PPP2R2A: variants seen among roughly 807,000 people sequenced by gnomAD.
PPP2R2A encodes protein phosphatase 2 regulatory subunit Balpha.
PPP2R2A carries 9 observed loss-of-function variants against 53.2 expected under a neutral mutation model. That is an observed-to-expected ratio of 0.17 (90% CI 0.10 to 0.30). The LOEUF (loss-of-function observed/expected upper bound fraction) is 0.30. Ranked by LOEUF, PPP2R2A falls within the 10% of genes least tolerant of loss-of-function variation. The pLI is 1.00. For synonymous variants in PPP2R2A, 169 were observed against 174.2 expected (o/e 0.97, Z 0.23); for missense variants, 235 against 534.6 (o/e 0.44, Z 5.53).
At chr8:26,351,382 A>C (rs1446564282) in intron 3 of PPP2R2A, among the ~76,000 whole-genome samples, 1 of 152,088 alleles carries the variant, frequency 6.6e-6, no homozygotes, top group Non-Finnish European at 1.5e-5. Context: ...TAAATAAATA[A>C]ATTTAAATTA....
rs748648522 is a variant in PPP2R2A, at chr8:26,362,643, C to G, written c.638-41C>G. ...TGAGAAATGTAGAATTATATTTGCCCTTTTTTCTAAGTGGAAATTCCTTAA... is the reference window on the plus strand; with the variant it reads ...TGAGAAATGTAGAATTATATTTGCCGTTTTTTCTAAGTGGAAATTCCTTAA... On this transcript the variant is annotated intron_variant, in intron 6 of 9. Coordinates refer to ENST00000380737, the MANE Select transcript of PPP2R2A (RefSeq NM_002717.4). The surrounding 1 kb of genome is among the most constrained non-coding windows in gnomAD (Gnocchi z 4.4). 1.8e-5 allele frequency: 29 copies of G among 1,589,470 alleles called. No individual in the cohort carries two copies. Among genetic ancestry groups the G allele is most frequent in the Non-Finnish European group, 2.4e-5 (28 of 1,162,282 alleles).
intron 4 of PPP2R2A, among the ~76,000 whole-genome samples, chr8:26,359,644 A>T (rs888431728): frequency 1.4e-5 from 1 of 71,840 alleles, no homozygotes; most frequent in African/African-American, 5.3e-5. Context: ...CAAGAAGGGG[A>T]AAGGTTTTAA....
At chr8:26,369,163 C>G (rs983084255) in intron 9 of PPP2R2A, among the ~76,000 whole-genome samples, 7 of 151,864 alleles carry the variant, frequency 4.6e-5, no homozygotes, top group Non-Finnish European at 1.0e-4. Context: ...ACTTAATATT[C>G]TCAGGAGCAG....
chr8:26,316,095 C>T (rs988511594), intron 2 of PPP2R2A, among the ~76,000 whole-genome samples: 2 of 151,852 alleles, frequency 1.3e-5, no homozygotes, highest in Non-Finnish European at 3.0e-5. Flanking sequence ...GCCTCCGCCT[C>T]CTGGGTTAAA....
intron 2 of PPP2R2A, among the ~76,000 whole-genome samples, chr8:26,323,706 G>T (rs1444538265): frequency 6.6e-6 from 1 of 152,166 alleles, no homozygotes; most frequent in South Asian, 2.1e-4. Flanking sequence ...TTCTATCCCC[G>T]TGGAGTTGGA....
chr8:26,332,487 C>G (rs898587563), intron 2 of PPP2R2A, among the ~76,000 whole-genome samples: 4 of 151,174 alleles, frequency 2.6e-5, no homozygotes, highest in African/African-American at 9.7e-5. Flanking sequence ...TTAAAACGGG[C>G]ATTTACATAT....
intron 2 of PPP2R2A, among the ~76,000 whole-genome samples, chr8:26,320,531 A>T (rs1802782766): frequency 6.6e-6 from 1 of 152,206 alleles, no homozygotes; most frequent in Non-Finnish European, 1.5e-5. Flanking sequence ...TTTAAGTATT[A>T]TGTATATTCC....
At chr8:26,325,831 A>G (rs1423390094) in intron 2 of PPP2R2A, among the ~76,000 whole-genome samples, 2 of 151,934 alleles carry the variant, frequency 1.3e-5, no homozygotes, top group Non-Finnish European at 2.9e-5. Flanking sequence ...ACTTATTTTT[A>G]TTTATTTTTT....
chr8:26,291,963 G>A (rs1335877668), intron 1 of PPP2R2A, 137 bp downstream of exon 1: 3 of 1,273,348 alleles, frequency 2.4e-6, no homozygotes, highest in East Asian at 6.2e-5. Flanking sequence ...GGTCCAGAGG[G>A]GTGGGGTGGG....
intron 2 of PPP2R2A, among the ~76,000 whole-genome samples, chr8:26,324,394 C>T (rs1357360354): frequency 6.6e-6 from 1 of 152,176 alleles, no homozygotes; most frequent in Non-Finnish European, 1.5e-5. Flanking sequence ...TTTTGTTTGT[C>T]TTACTCTTGT....
intron 2 of PPP2R2A, among the ~76,000 whole-genome samples, chr8:26,303,811 G>A (rs1801895028): frequency 6.6e-6 from 1 of 152,200 alleles, no homozygotes; most frequent in Admixed American, 6.5e-5. Flanking sequence ...AATTTTGGCA[G>A]TAGTTGATTA....
chr8:26,293,529 T>A (rs1207847990), intron 1 of PPP2R2A, 137 bp from the exon 2 acceptor site: 2 of 812,522 alleles, frequency 2.5e-6, no homozygotes, highest in African/African-American at 1.7e-5. Flanking sequence ...CTTTCCAAAC[T>A]GGTGCTCTTG....
rs376237331 is a variant in PPP2R2A at position 26,291,812 on chromosome 8, A to G, written c.-8A>G. The G allele has an allele frequency of 4.4e-6, 7 of 1,608,164 alleles. No homozygotes were observed. The highest frequency in any genetic ancestry group is 5.9e-6 in the Non-Finnish European group (7 of 1,177,850). On this transcript the variant is annotated 5_prime_UTR_variant, in exon 1 of 10. Coordinates refer to ENST00000380737, the MANE Select transcript of PPP2R2A (RefSeq NM_002717.4). ...GGAACCCAGCAGGGTCACCATTTGC[A>G]GCGCAACATGGCAGGTAAAGGAGAA...
intron 2 of PPP2R2A, among the ~76,000 whole-genome samples, chr8:26,330,092 G>A (rs1488107369): frequency 6.6e-6 from 1 of 152,078 alleles, no homozygotes; most frequent in African/African-American, 2.4e-5. Context: ...TATCCCACAG[G>A]TCAGGTCTTG....
rs1805059543 is a variant in PPP2R2A at position 26,361,099 on chromosome 8, A to G, written c.585A>G (p.Ala195=). Residue 195 remains alanine, a synonymous_variant, in exon 6 of 10, where the codon GCA becomes GCG. Transcript: ENST00000380737. The part of the protein sequence containing the change: ...INSDYETYLS[A]DDLRINLWHL... ...GTGATTATGAAACATATTTATCTGC[A>G]GATGATTTGCGGATTAATCTTTGGC... 6.2e-7 allele frequency: 1 copy of G among 1,601,672 alleles called. No homozygotes were observed. Among genetic ancestry groups the G allele is most frequent in the Non-Finnish European group, 8.5e-7 (1 of 1,177,382 alleles).
intron 2 of PPP2R2A, among the ~76,000 whole-genome samples, chr8:26,294,962 G>C (rs1439745033): frequency 6.6e-6 from 1 of 152,164 alleles, no homozygotes; most frequent in Non-Finnish European, 1.5e-5. Flanking sequence ...GTAAATCAAG[G>C]TTTTCTGATG....
At chr8:26,350,485 A>G (rs2117367194) in intron 3 of PPP2R2A, 1 of 152,242 alleles carries the variant, frequency 6.6e-6, no homozygotes, top group South Asian at 2.1e-4. Context: ...CTGTAGCCTC[A>G]AACTTCTGGA....
intron 4 of PPP2R2A, among the ~76,000 whole-genome samples, chr8:26,357,071 G>A (rs1804819633): frequency 6.6e-6 from 1 of 152,158 alleles, no homozygotes; most frequent in African/African-American, 2.4e-5. Flanking sequence ...GTCCAATGTG[G>A]AAGGATAAAG....
intron 2 of PPP2R2A, chr8:26,333,454 A>C (rs1357796724): frequency 1.8e-6 from 2 of 1,082,386 alleles, no homozygotes; most frequent in East Asian, 1.2e-4. Flanking sequence ...TACAGTTATA[A>C]CCCTCTTTGC....
Sources: gnomAD v4.1 joint callset for allele counts (sites outside exome capture counted in the v4.1 genomes callset) on GRCh38, gnomAD v4.1.1 for gene constraint, Gnocchi (gnomAD v3.1) non-coding constraint, MANE v1.5 for transcripts, NCBI Gene and HGNC (gene_info 2026-07-23, HGNC 2026-07-21) for gene names.